Variants in FOXA2 observed in about 807,000 individuals in gnomAD.
FOXA2 encodes forkhead box A2, also known as hepatocyte nuclear factor 3-beta.
Under a neutral mutation model 33.3 loss-of-function variants are expected in FOXA2, and 9 were observed. The ratio of observed to expected loss-of-function variants is 0.27; its 90% confidence interval spans 0.16 to 0.47. FOXA2 has a LOEUF of 0.47. Among genes scored for constraint, FOXA2 ranks in the 20% least tolerant of loss-of-function variants. The pLI, the probability that FOXA2 is intolerant of heterozygous loss-of-function variation, is 0.99. For synonymous variants in FOXA2, 329 were observed against 289.4 expected (o/e 1.14, Z -1.39); for missense variants, 704 against 659.9 (o/e 1.07, Z -0.73).
upstream of FOXA2, chr20:22,585,429 G>A (rs1390730085): frequency 6.6e-6 from 1 of 152,350 alleles, no homozygotes; most frequent in East Asian, 1.9e-4. Context: ...GGGGCGGCCG[G>A]CGCCTGGCGC....
At chr20:22,583,293 C>A in intron 1 of FOXA2, 139 bp from the exon 2 acceptor site, 2 of 868,818 alleles carry the variant, frequency 2.3e-6, no homozygotes, top group South Asian at 2.7e-5. Context: ...GCCCAGTCTC[C>A]GGACTCCGAG....
At position 22,581,724 on chromosome 20, in the gene FOXA2, G is replaced by A; in HGVS notation, c.*126C>T. On this transcript the variant is annotated 3_prime_UTR_variant, in exon 2 of 2. Transcript: ENST00000419308. ...GTCTTGGGGGTGTTGGGGTGGGGGT[G>A]TTATGGATTTCTTCTCCCTTGCGTC... is the stretch of plus-strand genomic sequence containing the variant. The A allele has an allele frequency of 1.1e-6, 1 of 872,978 alleles. No individual in the cohort carries two copies. Among genetic ancestry groups the A allele is most frequent in the Non-Finnish European group, 1.8e-6 (1 of 543,094 alleles). The allele number at this position is 872,978 out of a possible 1,614,324, so 54.1% of individuals were successfully genotyped here. A position where few individuals can be genotyped will look rare whatever the true frequency, so the allele number is the denominator to read the frequency against.
At chr20:22,583,326 A>C (rs897277758) in intron 1 of FOXA2, among the ~76,000 whole-genome samples, 172 bp from the exon 2 acceptor site, 6 of 152,304 alleles carry the variant, frequency 3.9e-5, no homozygotes, top group Non-Finnish European at 7.4e-5. Flanking sequence ...AGGGAGAGTC[A>C]TGATCGATCG....
chr20:22,582,341 A>G lies in FOXA2; in HGVS notation c.901T>C (p.Ser301Pro). The G allele has an allele frequency of 6.8e-7, 1 of 1,480,144 alleles. No homozygotes were observed. The highest frequency in any genetic ancestry group is 8.9e-7 in the Non-Finnish European group (1 of 1,124,168). 91.7% of individuals were successfully genotyped at this position (1,480,144 alleles called of 1,614,324 possible). Residue 301 changes from serine to proline, a missense_variant, in exon 2 of 2, where the codon TCC (serine) becomes CCC (proline). Physicochemically the swap from Ser to Pro is moderately conservative, Grantham distance 74 (BLOSUM62 -1). Coordinates refer to ENST00000419308, the MANE Select transcript of FOXA2 (RefSeq NM_021784.5). ...AQLGEAAGPA[S>P]ETPAGTESPH... ...GACTCGGTGCCCGCCGGAGTCTCGG[A>G]GGCCGGCCCGGCGGCCTCCCCGAGT... is the stretch of plus-strand genomic sequence containing the variant.
At position 22,584,179 on chromosome 20, in the gene FOXA2, G is replaced by T; in HGVS notation, c.87+13C>A. The T allele has an allele frequency of 6.2e-7, 1 of 1,612,974 alleles. No individual in the cohort carries two copies. The highest frequency in any genetic ancestry group is 8.5e-7 in the Non-Finnish European group (1 of 1,179,570). On this transcript the variant is annotated intron_variant, in intron 1 of 1. Transcript: ENST00000419308. ...CGCCGCTCCACTTCCCCCTGGAAAAGACGAGCGCTTACCTCGGGCTCTGCA... is the reference window on the plus strand; with the variant it reads ...CGCCGCTCCACTTCCCCCTGGAAAATACGAGCGCTTACCTCGGGCTCTGCA...
At position 22,581,690 on chromosome 20, in the gene FOXA2, A is replaced by T; in HGVS notation, c.*160T>A. The T allele has an allele frequency of 1.5e-6, 1 of 656,528 alleles. No individual in the cohort carries two copies. 40.7% of individuals were successfully genotyped at this position (656,528 alleles called of 1,614,324 possible). A position where few individuals can be genotyped will look rare whatever the true frequency, so the allele number is the denominator to read the frequency against. ...GACGGAACGGCTGCAGCGGGTGAAG[A>T]AGACTGCTGTCTTGGGGGTGTTGGG... On this transcript the variant is annotated 3_prime_UTR_variant, in exon 2 of 2. Coordinates refer to ENST00000419308, the MANE Select transcript of FOXA2 (RefSeq NM_021784.5).
In FOXA2 at chr20:22,581,707, G is replaced by A. The variant is rs1984576154; in HGVS notation, c.*143C>T. 8.1e-6 allele frequency: 6 copies of A among 743,282 alleles called. No individual in the cohort carries two copies. Among genetic ancestry groups the A allele is most frequent in the Non-Finnish European group, 1.4e-5 (6 of 437,778 alleles). The allele number at this position is 743,282 out of a possible 1,614,324, so 46.0% of individuals were successfully genotyped here. ...GGGTGAAGAAGACTGCTGTCTTGGG[G>A]GTGTTGGGGTGGGGGTGTTATGGAT... On this transcript the variant is annotated 3_prime_UTR_variant, in exon 2 of 2. Transcript: ENST00000419308.
At chr20:22,585,103 G>T (rs1984731776), upstream of FOXA2, among the ~76,000 whole-genome samples, 2 of 152,190 alleles carry the variant, frequency 1.3e-5, no homozygotes, top group South Asian at 2.1e-4. Context: ...CCGGGCGCCC[G>T]GTGCGCCTGT....
At position 22,584,273 on chromosome 20, in the gene FOXA2, G is replaced by A. The variant is rs1389365533; in HGVS notation, c.6C>T (p.His2=). M[H]SASSMLGAVK... ...CCGCTCCCAGCATACTGGAAGCCGA[G>A]TGCATGGCAGTTTAAAATTTAACAG... The change falls in exon 1 of 2, where the codon CAC becomes CAT. Residue 2 remains histidine (H), a synonymous_variant. Coordinates refer to ENST00000419308, the MANE Select transcript of FOXA2 (RefSeq NM_021784.5). 5 of 1,613,372 alleles carry A rather than the reference G, an allele frequency of 3.1e-6. No individual in the cohort carries two copies. The highest frequency in any genetic ancestry group is 4.2e-6 in the Non-Finnish European group (5 of 1,179,730).
rs756979765 is a variant in FOXA2 at position 22,582,022 on chromosome 20, T to C, written c.1220A>G (p.Asp407Gly). Residue 407 changes from aspartate (D) to glycine (G), a missense_variant, in exon 2 of 2, where the codon GAC becomes GGC. By Grantham distance (94) the Asp-to-Gly change is moderately conservative. This residue lies in a region of FOXA2 where 343 missense variants were observed against 274.8 expected (regional missense o/e 1.25). Transcript: ENST00000419308. ...CATCACCTGTTCGTAGGCCTTGAGG[T>C]CCATTTTGTGGGGTTGGTGGTGGTG... ...SHHHHQPHKM[D>G]LKAYEQVMHY... 4 of 1,614,022 alleles carry C rather than the reference T, an allele frequency of 2.5e-6. No individual in the cohort carries two copies. Among genetic ancestry groups the C allele is most frequent in the Non-Finnish European group, 3.4e-6 (4 of 1,180,032 alleles).
In FOXA2 at chr20:22,581,369, C is replaced by T. The variant is rs1294251263; in HGVS notation, c.*481G>A. ...TTTTTCTTGGTCATTTACAACAGACCCTTACATTATTTTTTTTCCTGTTTT... is the reference window on the plus strand; with the variant it reads ...TTTTTCTTGGTCATTTACAACAGACTCTTACATTATTTTTTTTCCTGTTTT... On this transcript the variant is annotated 3_prime_UTR_variant, in exon 2 of 2. Coordinates refer to ENST00000419308, the MANE Select transcript of FOXA2 (RefSeq NM_021784.5). 6.5e-6 allele frequency: 1 copy of T among 152,760 alleles called. No homozygotes were observed. The highest frequency in any genetic ancestry group is 2.4e-5 in the African/African-American group (1 of 41,316). 9.5% of individuals were successfully genotyped at this position (152,760 alleles called of 1,614,324 possible).
In FOXA2 at chr20:22,582,410, T is replaced by TGCCGGCGGC; in HGVS notation, c.823_831dup (p.Ala275_Gly277dup). On this transcript the variant is annotated inframe_insertion, in exon 2 of 2. Transcript: ENST00000419308. Reference sequence around the variant, plus strand: ...GCTCCGGCGGCCGCCTTCTTGCCGCTGCCGGCGGCGCCTGCGGCCTCCTTC... The same window carrying TGCCGGCGGC: ...GCTCCGGCGGCCGCCTTCTTGCCGCTGCCGGCGGCGCCGGCGGCGCCTGCGGCCTCCTTC... The TGCCGGCGGC allele has an allele frequency of 1.3e-6, 2 of 1,569,484 alleles. No homozygotes were observed. The highest frequency in any genetic ancestry group is 1.7e-6 in the Non-Finnish European group (2 of 1,162,494).
Position 22,582,150 on chromosome 20 carries a change from C to T in FOXA2, c.1092G>A (p.Leu364=). The T allele has an allele frequency of 1.3e-6, 2 of 1,570,066 alleles. No homozygotes were observed. Among genetic ancestry groups the T allele is most frequent in the Non-Finnish European group, 1.7e-6 (2 of 1,157,036 alleles). ...HLLGPPHHPG[L]PPEAHLKPEH... ...CCGGCTTCAGGTGGGCCTCAGGCGG[C>T]AGGCCCGGGTGGTGGGGCGGGCCCA... Residue 364 remains leucine (L), a synonymous_variant, in exon 2 of 2, where the codon CTG becomes CTA. Transcript: ENST00000419308.
At position 22,583,248 on chromosome 20, in the gene FOXA2, G is replaced by T. The variant is rs983936881; in HGVS notation, c.88-94C>A. 1.1e-5 allele frequency: 15 copies of T among 1,392,206 alleles called. No individual in the cohort carries two copies. In the Middle Eastern group the frequency reaches 7.3e-4, roughly 68 times the overall value. The allele number at this position is 1,392,206 out of a possible 1,614,324, so 86.2% of individuals were successfully genotyped here. On this transcript the variant is annotated intron_variant, in intron 1 of 1. Transcript: ENST00000419308. ...ACCCACCGCCCAGGCCTCCGCGTCCGGGGAGGCCTCCGGGGAGCCCTTTCG... is the reference window on the plus strand; with the variant it reads ...ACCCACCGCCCAGGCCTCCGCGTCCTGGGAGGCCTCCGGGGAGCCCTTTCG...
At chr20:22,584,057 C>T in intron 1 of FOXA2, 135 bp downstream of exon 1, 1 of 735,790 alleles carries the variant, frequency 1.4e-6, no homozygotes, top group South Asian at 1.5e-5. Context: ...CCAAGGAGGG[C>T]GGAAAAGGCG....
intron 1 of FOXA2, 129 bp from the exon 2 acceptor site, chr20:22,583,283 G>A (rs1984654174): frequency 1.1e-6 from 1 of 933,964 alleles, no homozygotes; most frequent in Admixed American, 1.7e-5. Context: ...GTCCCCGATG[G>A]CCCAGTCTCC....
Position 22,583,098 on chromosome 20 carries a change from C to T in FOXA2, c.144G>A (p.Thr48=), listed in dbSNP as rs757617228. Residue 48 remains threonine, a synonymous_variant, in exon 2 of 2, where the codon ACG becomes ACA. Coordinates refer to ENST00000419308, the MANE Select transcript of FOXA2 (RefSeq NM_021784.5). ...NAGLGMNGMN[T]YMSMSAAAMG... ...TGGCGGCCGCCGACATGCTCATGTA[C>T]GTGTTCATGCCGTTCATCCCCAGGC... is the stretch of plus-strand genomic sequence containing the variant. 3 of 1,608,608 alleles carry T rather than the reference C, an allele frequency of 1.9e-6. No homozygotes were observed. Among genetic ancestry groups the T allele is most frequent in the South Asian group, 1.1e-5 (1 of 91,084 alleles).
chr20:22,583,013 C>A lies in FOXA2; in HGVS notation c.229G>T (p.Ala77Ser), dbSNP rs927160018. 1.2e-6 allele frequency: 2 copies of A among 1,608,942 alleles called. No individual in the cohort carries two copies. The highest frequency in any genetic ancestry group is 1.7e-6 in the Non-Finnish European group (2 of 1,179,312). ...GSMNMSSYVG[A>S]GMSPSLAGMS... is the part of the protein sequence containing the mutation. Reference sequence around the variant, plus strand: ...CCCGCCAGGGACGGGCTCATGCCAGCGCCCACGTACGACGACATGTTCATG... The same window carrying A: ...CCCGCCAGGGACGGGCTCATGCCAGAGCCCACGTACGACGACATGTTCATG... The change falls in exon 2 of 2, where the codon GCT (alanine) becomes TCT (serine). Residue 77 changes from alanine (A) to serine (S), a missense_variant. Ala to Ser is a moderately conservative substitution (Grantham distance 99, BLOSUM62 1). Transcript: ENST00000419308.
chr20:22,584,430 G>C lies in FOXA2; in HGVS notation c.-152C>G, dbSNP rs992181161. 3 of 681,746 alleles carry C rather than the reference G, an allele frequency of 4.4e-6. No homozygotes were observed. The Admixed American group carries it at 6.4e-5, about 14-fold the overall frequency. The allele number at this position is 681,746 out of a possible 1,614,324, so 42.2% of individuals were successfully genotyped here. A position where few individuals can be genotyped will look rare whatever the true frequency, so the allele number is the denominator to read the frequency against. ...GGGCTCCACTCCCTCTCTCTCCCTG[G>C]GCAGGCCGGAGGCGGTAGTTGGAAG... is the stretch of plus-strand genomic sequence containing the variant. On this transcript the variant is annotated 5_prime_UTR_variant, in exon 1 of 2. Transcript: ENST00000419308.
Sources: gnomAD v4.1 joint callset for allele counts (sites outside exome capture counted in the v4.1 genomes callset) on GRCh38, gnomAD v4.1.1 for gene constraint, gnomAD v4.1.1 regional missense constraint, MANE v1.5 for transcripts, NCBI Gene and HGNC (gene_info 2026-07-23, HGNC 2026-07-21) for gene names.